The following FGF12 variants were observed in gnomAD, a reference collection of about 807,000 sequenced individuals.
FGF12 encodes fibroblast growth factor 12.
FGF12 carries 14 observed loss-of-function variants against 23.6 expected under a neutral mutation model. The ratio of observed to expected loss-of-function variants is 0.59; its 90% CI spans 0.39 to 0.93. The LOEUF (loss-of-function observed/expected upper bound fraction) is 0.93. Ranked by LOEUF, FGF12 falls within the 40% of genes least tolerant of loss-of-function variation. FGF12 has a pLI of 0.00. For missense variants in FGF12, 175 were observed against 217.8 expected (o/e 0.80, Z 1.24); for synonymous variants, 62 against 77.3 (o/e 0.80, Z 1.04).
At chr3:192,616,495 C>T (rs908928640) in intron 2 of FGF12, among the ~76,000 whole-genome samples, 3 of 151,832 alleles carry the variant, frequency 2.0e-5, no homozygotes, top group Non-Finnish European at 4.4e-5. Context: ...TTGAGTAGCC[C>T]TGGACACACA....
At chr3:192,167,409 C>T (rs184897145) in intron 5 of FGF12, among the ~76,000 whole-genome samples, 53 of 151,886 alleles carry the variant, frequency 3.5e-4, no homozygotes, top group African/African-American at 1.3e-3. Flanking sequence ...GGTTGTGTTC[C>T]GGGTGCAGTG....
intron 4 of FGF12, among the ~76,000 whole-genome samples, chr3:192,292,625 C>T (rs919750817): frequency 1.3e-5 from 2 of 152,034 alleles, no homozygotes; most frequent in Non-Finnish European, 1.5e-5. Flanking sequence ...AACATGGCAC[C>T]GTTAAAAATA....
chr3:192,224,628 T>C (rs1186854117), intron 4 of FGF12, among the ~76,000 whole-genome samples: 1 of 151,996 alleles, frequency 6.6e-6, no homozygotes, highest in Non-Finnish European at 1.5e-5. Flanking sequence ...TGCCATTGAG[T>C]CACTCTTAAA....
chr3:192,380,408 C>A (rs1340526649), intron 2 of FGF12, among the ~76,000 whole-genome samples: 1 of 152,104 alleles, frequency 6.6e-6, no homozygotes, highest in African/African-American at 2.4e-5. Flanking sequence ...AGCTTGAAAC[C>A]TTACCAACTT....
At chr3:192,242,254 C>T (rs929300006) in intron 4 of FGF12, among the ~76,000 whole-genome samples, 78 of 152,248 alleles carry the variant, frequency 5.1e-4, no homozygotes, top group African/African-American at 1.8e-3. Context: ...TAAGTTTTAG[C>T]TGCCAGGATA....
At chr3:192,330,321 C>A (rs1245998488) in intron 4 of FGF12, among the ~76,000 whole-genome samples, 1 of 152,084 alleles carries the variant, frequency 6.6e-6, no homozygotes, top group African/African-American at 2.4e-5. Context: ...CACCTTCTGA[C>A]TTCAAAATGT....
intron 2 of FGF12, among the ~76,000 whole-genome samples, chr3:192,656,492 C>T (rs1256329124): frequency 6.6e-6 from 1 of 152,076 alleles, no homozygotes; most frequent in East Asian, 1.9e-4. Context: ...GTGATCTGGC[C>T]CCCAGGGACA....
At chr3:192,645,036 T>G (rs9820682) in intron 2 of FGF12, among the ~76,000 whole-genome samples, 68,199 of 151,982 alleles carry the variant, frequency 0.45, 15,773 homozygotes, top group East Asian at 0.52. Context: ...GGCACACAGT[T>G]TTTAAAAAGT....
In FGF12 at chr3:192,497,909, A is replaced by G. The variant is rs146963507; in HGVS notation, c.14-137371T>C. The stretch of plus-strand genomic sequence containing the variant: ...CTGCACTAGAAAATAAGCTTTCAAA[A>G]TCAACATTATTTGGCTCACCACTGA... On this transcript the variant is annotated intron_variant, in intron 2 of 5. Transcript: ENST00000445105. Among the ~76,000 whole-genome samples, 415 of 152,324 alleles carry G rather than the reference A, an allele frequency of 2.7e-3. 1 individual carries two copies. Among genetic ancestry groups the G allele is most frequent in the Non-Finnish European group, 4.1e-3 (278 of 68,028 alleles).
intron 4 of FGF12, among the ~76,000 whole-genome samples, chr3:192,171,166 CTCTAATTTCCTTAAA>C (rs1275195568): frequency 6.6e-6 from 1 of 152,178 alleles, no homozygotes; most frequent in Non-Finnish European, 1.5e-5. Context: ...GTAACTTCCT[CTCTAATTTCCTTAAA>C]ACATTTTTTT....
Position 192,520,218 on chromosome 3 carries a change from T to C in FGF12, c.14-159680A>G, listed in dbSNP as rs145972476. Among the ~76,000 whole-genome samples the C allele has an allele frequency of 7.4e-3, 1,130 of 152,344 alleles. 17 individuals carry two copies. Among genetic ancestry groups the C allele is most frequent in the African/African-American group, 0.026 (1,093 of 41,578 alleles). On this transcript the variant is annotated intron_variant, in intron 2 of 5. Transcript: ENST00000445105. Reference sequence around the variant, plus strand: ...ATATCTTTTTAGATAGATTCTGATATATCATGTAGAGCTAGAGATAGAGAT... The same window carrying C: ...ATATCTTTTTAGATAGATTCTGATACATCATGTAGAGCTAGAGATAGAGAT...
intron 2 of FGF12, among the ~76,000 whole-genome samples, chr3:192,646,894 A>T (rs959624569): frequency 1.6e-4 from 24 of 151,982 alleles, no homozygotes; most frequent in African/African-American, 5.1e-4. Flanking sequence ...AGTTTTTTTT[A>T]AATGTCATGG....
intron 4 of FGF12, among the ~76,000 whole-genome samples, chr3:192,186,803 A>T (rs1716498998): frequency 6.6e-6 from 1 of 152,134 alleles, no homozygotes; most frequent in South Asian, 2.1e-4. Flanking sequence ...CCTAAACTTC[A>T]GTTTTGAAGT....
chr3:192,572,431 T>C (rs1712684144), intron 2 of FGF12, among the ~76,000 whole-genome samples: 1 of 152,118 alleles, frequency 6.6e-6, no homozygotes, highest in African/African-American at 2.4e-5. Context: ...GCAGGTGATT[T>C]AAAAGAGAAC....
chr3:192,467,655 A>G (rs565605662), intron 2 of FGF12, among the ~76,000 whole-genome samples: 14 of 152,312 alleles, frequency 9.2e-5, no homozygotes, highest in African/African-American at 3.4e-4. Flanking sequence ...CTTTTAAAAG[A>G]GGACTACATG....
At chr3:192,495,250 C>T (rs1287146941) in intron 2 of FGF12, among the ~76,000 whole-genome samples, 1 of 152,110 alleles carries the variant, frequency 6.6e-6, no homozygotes. Context: ...CTGAACAAAG[C>T]TATACAACAA....
intron 4 of FGF12, among the ~76,000 whole-genome samples, chr3:192,289,028 A>G (rs946708773): frequency 4.6e-5 from 7 of 152,142 alleles, no homozygotes; most frequent in Admixed American, 2.6e-4. Context: ...ACTCAAGTCT[A>G]TTATCACCAA....
intron 2 of FGF12, among the ~76,000 whole-genome samples, chr3:192,703,392 C>T (rs538874097): frequency 8.8e-4 from 134 of 152,278 alleles, no homozygotes; most frequent in Admixed American, 2.2e-3. Flanking sequence ...ATCATCTGAG[C>T]CTTCAGCAAT....
intron 2 of FGF12, among the ~76,000 whole-genome samples, chr3:192,503,558 T>C (rs1208149424): frequency 1.3e-5 from 2 of 149,506 alleles, no homozygotes; most frequent in East Asian, 2.0e-4. Context: ...TTATGGTGAT[T>C]GTTAGTTTTT....
Sources: allele counts gnomAD v4.1 joint callset (sites outside exome capture counted in the v4.1 genomes callset), GRCh38; gene constraint gnomAD v4.1.1; transcripts MANE v1.5; gene names NCBI Gene and HGNC (gene_info 2026-07-23, HGNC 2026-07-21).